The following KCNAB1 variants were observed in gnomAD, a reference collection of about 807,000 sequenced individuals.
The protein encoded by KCNAB1 is voltage-gated potassium channel subunit beta-1.
In KCNAB1, 35 loss-of-function variants were observed where a neutral mutation model predicts 64.6. The ratio of observed to expected loss-of-function variants is 0.54; its 90% CI spans 0.41 to 0.72. The LOEUF (loss-of-function observed/expected upper bound fraction) is 0.72, where lower values mean the gene tolerates loss of function less well. Among genes scored for constraint, KCNAB1 ranks in the 30% least tolerant of loss-of-function variants. The pLI is 0.00. For missense variants in KCNAB1, 401 were observed against 512.9 expected (o/e 0.78, Z 2.11); for synonymous variants, 177 against 183.8 (o/e 0.96, Z 0.30).
At chr3:156,321,396 A>G (rs921486192) in intron 1 of KCNAB1, among the ~76,000 whole-genome samples, 2 of 152,202 alleles carry the variant, frequency 1.3e-5, no homozygotes, top group African/African-American at 4.8e-5. Flanking sequence ...CCTCAAGCAC[A>G]TCTCTGAGGC....
chr3:156,300,658 A>C (rs2107986647), intron 1 of KCNAB1, among the ~76,000 whole-genome samples: 1 of 152,328 alleles, frequency 6.6e-6, no homozygotes. Context: ...TATTCTATGA[A>C]ACAATTTCTG....
chr3:156,312,421 A>G (rs1301077143), intron 1 of KCNAB1, among the ~76,000 whole-genome samples: 3 of 152,236 alleles, frequency 2.0e-5, no homozygotes, highest in East Asian at 3.9e-4. Flanking sequence ...ATATGTAAGT[A>G]TGAATGCCCA....
intron 2 of KCNAB1, among the ~76,000 whole-genome samples, chr3:156,422,694 T>C (rs1354034936): frequency 1.3e-5 from 2 of 152,196 alleles, no homozygotes; most frequent in East Asian, 1.9e-4. Flanking sequence ...GAGCTAGATA[T>C]ATTAACTTGA....
At chr3:156,536,165 C>T (rs1719042614) in intron 13 of KCNAB1, among the ~76,000 whole-genome samples, 1 of 152,210 alleles carries the variant, frequency 6.6e-6, no homozygotes, top group African/African-American at 2.4e-5. Context: ...GTTCTAGCCA[C>T]ATGTGGCTAT....
intron 1 of KCNAB1, 87 bp downstream of exon 1, chr3:156,120,973 T>G (rs2108249818): frequency 6.7e-7 from 1 of 1,494,010 alleles, no homozygotes; most frequent in East Asian, 2.3e-5. Context: ...CCTCTGCAGC[T>G]GGAAGTCTTA....
intron 1 of KCNAB1, among the ~76,000 whole-genome samples, chr3:156,417,512 A>G (rs1356354670): frequency 6.6e-6 from 1 of 152,194 alleles, no homozygotes; most frequent in Non-Finnish European, 1.5e-5. Flanking sequence ...TTTGCAAGCT[A>G]CTTTTCTCAG....
At chr3:156,188,881 T>C (rs975042095) in intron 1 of KCNAB1, among the ~76,000 whole-genome samples, 1 of 152,174 alleles carries the variant, frequency 6.6e-6, no homozygotes, top group South Asian at 2.1e-4. Context: ...ATTAGACAGA[T>C]AGTTGTGATC....
chr3:156,135,289 AC>A lies in KCNAB1; in HGVS notation c.275+14406del, dbSNP rs369532609. On this transcript the variant is annotated intron_variant, in intron 1 of 13. Transcript: ENST00000490337. ...TGGGTTTACAGGAATGCGCCACTGC[AC>A]CCAGCCTGGTTTAGCTTTTTTTTCC... Among the ~76,000 whole-genome samples, 557 of 152,072 alleles carry A rather than the reference AC, an allele frequency of 3.7e-3. 8 individuals are homozygous for A. The highest frequency in any genetic ancestry group is 0.011 in the African/African-American group (472 of 41,514).
At chr3:156,502,770 C>G (rs1399013553) in intron 8 of KCNAB1, among the ~76,000 whole-genome samples, 6 of 152,122 alleles carry the variant, frequency 3.9e-5, no homozygotes, top group African/African-American at 1.4e-4. Context: ...GCCAAAGGAA[C>G]CCCCAGGATG....
In KCNAB1 at chr3:156,449,802, C is replaced by T. The variant is rs376847959; in HGVS notation, c.320-3097C>T. Among the ~76,000 whole-genome samples, 161 of 152,152 alleles carry T rather than the reference C, an allele frequency of 1.1e-3. 2 individuals are homozygous for T. Among genetic ancestry groups the T allele is most frequent in the African/African-American group, 3.6e-3 (149 of 41,494 alleles). ...TCCCAAAAAGTTACCTTTATCTGGACGGAGAGAAGCTCACAAATGAAACAT... is the reference window on the plus strand; with the variant it reads ...TCCCAAAAAGTTACCTTTATCTGGATGGAGAGAAGCTCACAAATGAAACAT... On this transcript the variant is annotated intron_variant, in intron 2 of 13. Transcript: ENST00000490337.
chr3:156,456,500 G>A (rs1487734601), intron 3 of KCNAB1, among the ~76,000 whole-genome samples: 1 of 152,210 alleles, frequency 6.6e-6, no homozygotes, highest in African/African-American at 2.4e-5. Context: ...AGCAGTAATA[G>A]CATACTATTA....
chr3:156,301,968 C>G (rs1235737510), intron 1 of KCNAB1, among the ~76,000 whole-genome samples: 1 of 152,176 alleles, frequency 6.6e-6, no homozygotes, highest in Admixed American at 6.5e-5. Flanking sequence ...AAATTAGTGT[C>G]TTAAACTAAC....
intron 1 of KCNAB1, among the ~76,000 whole-genome samples, chr3:156,353,865 A>G (rs1201215757): frequency 6.6e-6 from 1 of 152,134 alleles, no homozygotes; most frequent in Non-Finnish European, 1.5e-5. Context: ...TCTATTTGCT[A>G]GGAGTTATTG....
At position 156,343,240 on chromosome 3, in the gene KCNAB1, C is replaced by G. The variant is rs549493647; in HGVS notation, c.276-78376C>G. Among the ~76,000 whole-genome samples, 22 of 152,298 alleles carry G rather than the reference C, an allele frequency of 1.4e-4. 1 individual carries two copies. In the South Asian group the frequency reaches 4.6e-3, roughly 32 times the overall value. ...ATTATGCACAGGAATCTCCTCAGTTCTTGCTGAAATACAGTTTCTGATTCA... is the reference window on the plus strand; with the variant it reads ...ATTATGCACAGGAATCTCCTCAGTTGTTGCTGAAATACAGTTTCTGATTCA... On this transcript the variant is annotated intron_variant, in intron 1 of 13. Coordinates refer to ENST00000490337, the MANE Select transcript of KCNAB1 (RefSeq NM_172160.3).
At chr3:156,314,415 A>G (rs189509990) in intron 1 of KCNAB1, among the ~76,000 whole-genome samples, 8 of 152,306 alleles carry the variant, frequency 5.3e-5, no homozygotes, top group Admixed American at 2.6e-4. Context: ...TCTCCATTTT[A>G]TAGATAAGTA....
chr3:156,167,223 C>T (rs1425974613), intron 1 of KCNAB1, among the ~76,000 whole-genome samples: 1 of 152,140 alleles, frequency 6.6e-6, no homozygotes, highest in Non-Finnish European at 1.5e-5. Flanking sequence ...CCACAGGTGG[C>T]CAAGCTTGAG....
chr3:156,169,349 T>G (rs986247761), intron 1 of KCNAB1, among the ~76,000 whole-genome samples: 1 of 152,196 alleles, frequency 6.6e-6, no homozygotes, highest in African/African-American at 2.4e-5. Flanking sequence ...GGAAACCATA[T>G]GCAATGTTAT....
At chr3:156,311,593 C>T (rs1452010670) in intron 1 of KCNAB1, among the ~76,000 whole-genome samples, 6 of 152,104 alleles carry the variant, frequency 3.9e-5, no homozygotes, top group Admixed American at 2.0e-4. Context: ...CCTGGGCCAG[C>T]GGTGGCCAAG....
At chr3:156,265,213 G>A (rs1576658403) in intron 1 of KCNAB1, among the ~76,000 whole-genome samples, 1 of 152,220 alleles carries the variant, frequency 6.6e-6, no homozygotes, top group Non-Finnish European at 1.5e-5. Context: ...TAAAAACTTG[G>A]GGTACTCTTG....
Sources: allele counts gnomAD v4.1 joint callset (sites outside exome capture counted in the v4.1 genomes callset), GRCh38; gene constraint gnomAD v4.1.1; transcripts MANE v1.5; gene names NCBI Gene and HGNC (gene_info 2026-07-23, HGNC 2026-07-21).